PITPNM2: variants seen among roughly 807,000 people sequenced by gnomAD.
The protein encoded by PITPNM2 is membrane-associated phosphatidylinositol transfer protein 2.
PITPNM2 carries 35 observed loss-of-function variants against 132.2 expected under a neutral mutation model. The observed-to-expected ratio is 0.26, with a 90% CI of 0.20 to 0.35. PITPNM2 has a LOEUF of 0.35. PITPNM2 is among the 10% of genes least tolerant of loss of function. The probability of loss-of-function intolerance (pLI) is 1.00; values close to 1 mark genes in which losing one functional copy is unlikely to be tolerated. For synonymous variants in PITPNM2, 738 were observed against 799.2 expected, an observed-to-expected ratio of 0.92 and a Z score of 1.29; for missense variants, 1,332 against 1,912.0, an observed-to-expected ratio of 0.70 and a Z score of 5.66.
intron 2 of PITPNM2, among the ~76,000 whole-genome samples, chr12:123,070,225 A>G (rs1264494284): frequency 2.6e-5 from 4 of 152,172 alleles, no homozygotes; most frequent in Non-Finnish European, 5.9e-5. Context: ...CACTGTGGGG[A>G]GCAGGGACTG....
rs1230618328 is a variant in PITPNM2, at chr12:123,099,966, G to GC, written c.-96+10418dup. Among the ~76,000 whole-genome samples the GC allele has an allele frequency of 2.0e-5, 3 of 152,208 alleles. No individual in the cohort carries two copies. The East Asian group carries it at 5.8e-4, about 29-fold the overall frequency. ...AGCACCCAGGTGTGCAGGCATCCAT[G>GC]CCCGGGGGAAGTAAGAATTGCAGGT... On this transcript the variant is annotated intron_variant, in intron 2 of 25. Transcript: ENST00000320201. The surrounding 1 kb of genome is among the most constrained non-coding windows in gnomAD (Gnocchi z 4.2).
At chr12:122,991,864 C>A (rs1177367550) in intron 16 of PITPNM2, 2 of 1,309,956 alleles carry the variant, frequency 1.5e-6, no homozygotes, top group Non-Finnish European at 1.9e-6. Flanking sequence ...GGCCGCCCTC[C>A]AGGACCAGCT....
intron 1 of PITPNM2, among the ~76,000 whole-genome samples, chr12:123,124,079 C>G (rs982865975): frequency 3.9e-5 from 6 of 151,976 alleles, no homozygotes; most frequent in African/African-American, 1.4e-4. Context: ...CACGGTGAAA[C>G]CCTATCTCTA....
chr12:123,114,363 T>C (rs1470246658), intron 1 of PITPNM2, among the ~76,000 whole-genome samples: 1 of 151,766 alleles, frequency 6.6e-6, no homozygotes, highest in Non-Finnish European at 1.5e-5. Flanking sequence ...CCCAGTTCCC[T>C]GCCCAAAGGC....
In PITPNM2 at chr12:123,097,421, CAA is replaced by C. The variant is rs1296992331; in HGVS notation, c.-96+12962_-96+12963del. Among the ~76,000 whole-genome samples the C allele has an allele frequency of 6.6e-6, 1 of 152,204 alleles. No homozygotes were observed. Among genetic ancestry groups the C allele is most frequent in the Non-Finnish European group, 1.5e-5 (1 of 68,034 alleles). ...GCAGCCCACTTTTCTGCACAGTCCT[CAA>C]GAGGCCAGCACCTCCTTTCCTCTCC... On this transcript the variant is annotated intron_variant, in intron 2 of 25. Transcript: ENST00000320201. The surrounding 1 kb of genome is among the most constrained non-coding windows in gnomAD (Gnocchi z 4.7).
At chr12:123,029,526 C>T (rs1354422672) in intron 3 of PITPNM2, among the ~76,000 whole-genome samples, 4 of 152,190 alleles carry the variant, frequency 2.6e-5, no homozygotes, top group African/African-American at 9.7e-5. Context: ...GCAAAGGTTG[C>T]AGTGAGCTGA....
In PITPNM2 at chr12:123,031,651, C is replaced by A. The variant is rs1266871229; in HGVS notation, c.78+2862G>T. ...CAAGCTGTCTATCCGACACCCCCAG[C>A]CTCAAGGCCTGCCCAGAGGAGAGCT... is the stretch of plus-strand genomic sequence containing the variant. On this transcript the variant is annotated intron_variant, in intron 3 of 25. Coordinates refer to ENST00000320201, the MANE Select transcript of PITPNM2 (RefSeq NM_020845.3). This position sits in a 1 kb window ranked among gnomAD's most constrained non-coding sequence, Gnocchi z 4.5. Among the ~76,000 whole-genome samples, 1 of 152,166 alleles carries A rather than the reference C, an allele frequency of 6.6e-6. No homozygotes were observed. Among genetic ancestry groups the A allele is most frequent in the Non-Finnish European group, 1.5e-5 (1 of 68,024 alleles).
chr12:123,071,542 A>G (rs1169196352), intron 2 of PITPNM2, among the ~76,000 whole-genome samples: 2 of 152,192 alleles, frequency 1.3e-5, no homozygotes, highest in Non-Finnish European at 2.9e-5. Context: ...CTCCTGACAG[A>G]AAGCTCTGCT....
Position 123,001,071 on chromosome 12 carries a change from T to G in PITPNM2, c.1136A>C (p.Glu379Ala), listed in dbSNP as rs749433032. ...CTGCTGACCTTGTGTGTCTTCCGGC[T>G]CTGGGCTCTCGATCTTGTCCATGAG... ...NDLMDKIESPEPEDTQDGLYR... is the reference protein window; with the variant it reads ...NDLMDKIESPAPEDTQDGLYR... The change falls in exon 9 of 26, where the codon GAG becomes GCG. Residue 379 changes from glutamate (E) to alanine (A), a missense_variant. By Grantham distance (107) the Glu-to-Ala change is moderately radical. Around this residue, in one of 6 missense-constraint regions of PITPNM2, gnomAD observed 710 missense variants for 911.5 expected, o/e 0.78. Coordinates refer to ENST00000320201, the MANE Select transcript of PITPNM2 (RefSeq NM_020845.3). 5 of 1,614,182 alleles carry G rather than the reference T, an allele frequency of 3.1e-6. No homozygotes were observed. In the South Asian group the frequency reaches 4.4e-5, roughly 14 times the overall value.
At chr12:123,076,719 G>GAA (rs1248313001) in intron 2 of PITPNM2, among the ~76,000 whole-genome samples, 3 of 152,198 alleles carry the variant, frequency 2.0e-5, no homozygotes, top group Non-Finnish European at 4.4e-5. Flanking sequence ...CCTGGTACCT[G>GAA]AACTCTGAAG....
chr12:123,053,853 C>T (rs1016640205), intron 2 of PITPNM2, among the ~76,000 whole-genome samples: 2 of 152,138 alleles, frequency 1.3e-5, no homozygotes, highest in Admixed American at 6.5e-5. Context: ...CAGGCAGTGA[C>T]ATCTTACAAA....
chr12:123,103,343 C>T (rs2042612816), intron 2 of PITPNM2, among the ~76,000 whole-genome samples: 1 of 152,212 alleles, frequency 6.6e-6, no homozygotes, highest in South Asian at 2.1e-4. Flanking sequence ...TTTGTTCGGG[C>T]CTGACACTCC....
chr12:123,041,516 G>A (rs1289879913), intron 2 of PITPNM2, among the ~76,000 whole-genome samples: 4 of 152,172 alleles, frequency 2.6e-5, no homozygotes, highest in African/African-American at 4.8e-5. Context: ...TCCCGTATCA[G>A]AGCAGTGTGA....
chr12:123,073,342 T>C (rs189931675), intron 2 of PITPNM2, among the ~76,000 whole-genome samples: 2 of 152,332 alleles, frequency 1.3e-5, no homozygotes, highest in East Asian at 3.9e-4. Context: ...GTGTCCCTCC[T>C]GCTCTCTGTG....
At chr12:122,987,693 G>A (rs772924851) in intron 21 of PITPNM2, 34 bp from the exon 22 acceptor site, 42 of 1,611,318 alleles carry the variant, frequency 2.6e-5, no homozygotes, top group Non-Finnish European at 3.6e-5. Flanking sequence ...GGCTGGCTGT[G>A]TCTGGCCTCT....
At chr12:123,048,313 G>T (rs1031998761) in intron 2 of PITPNM2, among the ~76,000 whole-genome samples, 1 of 151,872 alleles carries the variant, frequency 6.6e-6, no homozygotes, top group Non-Finnish European at 1.5e-5. Flanking sequence ...CCACTTACAG[G>T]AAGTCCCTAA....
intron 2 of PITPNM2, among the ~76,000 whole-genome samples, chr12:123,100,423 C>G (rs1353352768): frequency 6.6e-6 from 1 of 152,172 alleles, no homozygotes; most frequent in East Asian, 1.9e-4. Context: ...GTCAGGAGAT[C>G]GAGACCAGCC....
At position 122,996,580 on chromosome 12, in the gene PITPNM2, T is replaced by C; in HGVS notation, c.1663-3A>G. On this transcript the variant is annotated splice_region_variant and splice_polypyrimidine_tract_variant and intron_variant, in intron 12 of 25. Transcript: ENST00000320201. ...ACGCAGTCCCCAATCAGGCAGACCT[T>C]GGGAGAGAGGGGCCAGAGGCCTGAG... 6.2e-7 allele frequency: 1 copy of C among 1,613,038 alleles called. No homozygotes were observed. Among genetic ancestry groups the C allele is most frequent in the Non-Finnish European group, 8.5e-7 (1 of 1,179,982 alleles).
intron 1 of PITPNM2, among the ~76,000 whole-genome samples, chr12:123,129,526 C>T (rs566611615): frequency 1.4e-5 from 2 of 147,794 alleles, no homozygotes; most frequent in South Asian, 2.1e-4. Flanking sequence ...GCCGAGATTG[C>T]GCCACTGCAC....
Sources: gnomAD v4.1 joint callset for allele counts (sites outside exome capture counted in the v4.1 genomes callset) on GRCh38, gnomAD v4.1.1 for gene constraint, gnomAD v4.1.1 regional missense constraint, Gnocchi (gnomAD v3.1) non-coding constraint, MANE v1.5 for transcripts, NCBI Gene and HGNC (gene_info 2026-07-23, HGNC 2026-07-21) for gene names.